Variants in SEL1L3 observed in about 807,000 individuals in gnomAD.
The protein encoded by SEL1L3 is SEL1L family member 3.
SEL1L3 carries 76 observed loss-of-function variants against 142.8 expected under a neutral mutation model. The ratio of observed to expected loss-of-function variants is 0.53; its 90% CI spans 0.44 to 0.64. The LOEUF (loss-of-function observed/expected upper bound fraction) is 0.64, where lower values mean the gene tolerates loss of function less well. Ranked by LOEUF, SEL1L3 falls within the 30% of genes least tolerant of loss-of-function variation. The pLI, the probability that SEL1L3 is intolerant of heterozygous loss-of-function variation, is 0.00. For missense variants in SEL1L3, 1,262 were observed against 1,381.7 expected (o/e 0.91, Z 1.37); for synonymous variants, 504 against 519.6 (o/e 0.97, Z 0.41).
At chr4:25,863,492 CT>C (rs1360790823), upstream of SEL1L3, 4 of 702,722 alleles carry the variant, frequency 5.7e-6, no homozygotes, top group Admixed American at 6.0e-5. Context: ...TGTCTGGTTG[CT>C]TTTTTGGCCG....
At chr4:25,798,231 T>C (rs921919421) in intron 11 of SEL1L3, among the ~76,000 whole-genome samples, 52 of 152,226 alleles carry the variant, frequency 3.4e-4, no homozygotes, top group Non-Finnish European at 2.4e-4. Flanking sequence ...TATTTTGTTG[T>C]TGTTGTTGTT....
chr4:25,807,840 C>A (rs1713704017), intron 9 of SEL1L3, among the ~76,000 whole-genome samples: 1 of 151,630 alleles, frequency 6.6e-6, no homozygotes, highest in South Asian at 2.1e-4. Flanking sequence ...ATCTTTAGCA[C>A]AAAAAAAACT....
the SEL1L3 span, among the ~76,000 whole-genome samples, chr4:25,724,773 G>GAAAAAAAAAAAAAAAAA: frequency 7.6e-5 from 2 of 26,474 alleles, no homozygotes; most frequent in African/African-American, 1.5e-4. Context: ...AAAAAAAAAG[G>GAAAAAAAAAAAAAAAAA]AAAAGAAATT....
At chr4:25,821,457 C>T (rs1463280754) in intron 7 of SEL1L3, among the ~76,000 whole-genome samples, 1 of 152,200 alleles carries the variant, frequency 6.6e-6, no homozygotes, top group Non-Finnish European at 1.5e-5. Flanking sequence ...TTGGACAGTT[C>T]CATTCGGGGG....
chr4:25,723,674 T>A, the SEL1L3 span, among the ~76,000 whole-genome samples: 1 of 152,122 alleles, frequency 6.6e-6, no homozygotes, highest in Non-Finnish European at 1.5e-5. Flanking sequence ...GAAGAGGGTT[T>A]GTAAATAATC....
rs759353275 is a variant in SEL1L3 at position 25,779,248 on chromosome 4, G to A, written c.2458-45C>T. The stretch of plus-strand genomic sequence containing the variant: ...AACATCGAGTCATCCTAGCTGGGCT[G>A]GTTTCGCCAGAGACAAGGTGATGAG... On this transcript the variant is annotated intron_variant, in intron 15 of 23. Coordinates refer to ENST00000399878, the MANE Select transcript of SEL1L3 (RefSeq NM_015187.5). The A allele has an allele frequency of 2.8e-5, 45 of 1,605,660 alleles. No homozygotes were observed. The East Asian group carries it at 9.4e-4, about 34-fold the overall frequency.
At position 25,818,224 on chromosome 4, in the gene SEL1L3, A is replaced by G. The variant is rs1304359439; in HGVS notation, c.1478T>C (p.Met493Thr). 1.2e-6 allele frequency: 2 copies of G among 1,604,016 alleles called. No individual in the cohort carries two copies. The highest frequency in any genetic ancestry group is 8.5e-7 in the Non-Finnish European group (1 of 1,175,308). The change falls in exon 9 of 24, where the codon ATG (methionine) becomes ACG (threonine). Residue 493 changes from methionine to threonine, a missense_variant. Physicochemically the swap from Met to Thr is moderately conservative, Grantham distance 81. Coordinates refer to ENST00000399878, the MANE Select transcript of SEL1L3 (RefSeq NM_015187.5). The stretch of plus-strand genomic sequence containing the variant: ...CTTCTCCCAGGGGAAGGCTCTGCAC[A>G]TCGAGGGTCTCCCATACCTGCGCTG... ...DLQRRYGRPSMCRAFPWEKEL... is the reference protein window; with the variant it reads ...DLQRRYGRPSTCRAFPWEKEL...
chr4:25,758,533 A>G (rs1418962974), intron 21 of SEL1L3, among the ~76,000 whole-genome samples: 2 of 152,178 alleles, frequency 1.3e-5, no homozygotes, highest in Non-Finnish European at 2.9e-5. Flanking sequence ...ATTCTCGTGG[A>G]AATTTCTGGT....
At chr4:25,723,521 A>G in the SEL1L3 span, among the ~76,000 whole-genome samples, 1 of 152,210 alleles carries the variant, frequency 6.6e-6, no homozygotes, top group Non-Finnish European at 1.5e-5. Context: ...GTATACCTCA[A>G]CTTGCAGTGG....
chr4:25,755,964 C>T (rs1717928074), intron 23 of SEL1L3: 1 of 985,380 alleles, frequency 1.0e-6, no homozygotes, highest in African/African-American at 1.7e-5. Flanking sequence ...GTTTATTAAC[C>T]AGCAGACTAT....
intron 11 of SEL1L3, among the ~76,000 whole-genome samples, chr4:25,798,842 A>G (rs1420790620): frequency 3.3e-5 from 5 of 152,116 alleles, no homozygotes; most frequent in African/African-American, 1.2e-4. Context: ...AAAAGAAAAA[A>G]GAAAGAAAGA....
At chr4:25,777,718 A>G (rs963360219) in intron 16 of SEL1L3, 1 of 417,200 alleles carries the variant, frequency 2.4e-6, no homozygotes, top group South Asian at 1.7e-5. Flanking sequence ...ATGAATATTC[A>G]TGTCAAATAT....
intron 11 of SEL1L3, among the ~76,000 whole-genome samples, chr4:25,792,903 C>T (rs1257917970): frequency 6.6e-6 from 1 of 152,066 alleles, no homozygotes; most frequent in African/African-American, 2.4e-5. Context: ...TTGTTTCCTC[C>T]TTGAATAAAG....
intron 1 of SEL1L3, among the ~76,000 whole-genome samples, chr4:25,852,746 C>A (rs911188165): frequency 1.3e-5 from 2 of 152,178 alleles, no homozygotes; most frequent in African/African-American, 2.4e-5. Flanking sequence ...TCCCAAAGAA[C>A]AACTTAAAAC....
intron 15 of SEL1L3, among the ~76,000 whole-genome samples, chr4:25,780,761 CTATA>C (rs1181747652): frequency 2.1e-5 from 3 of 144,234 alleles, no homozygotes; most frequent in Admixed American, 1.4e-4. Context: ...TATATATAAA[CTATA>C]TATAAATAAA....
intron 16 of SEL1L3, among the ~76,000 whole-genome samples, 169 bp downstream of exon 16, chr4:25,778,907 T>C (rs917524162): frequency 8.5e-5 from 13 of 152,216 alleles, no homozygotes; most frequent in African/African-American, 3.1e-4. Context: ...CAAATTATTT[T>C]TAAATTTTTA....
At chr4:25,826,654 C>T (rs1173607057) in intron 6 of SEL1L3, among the ~76,000 whole-genome samples, 1 of 152,032 alleles carries the variant, frequency 6.6e-6, no homozygotes, top group East Asian at 1.9e-4. Flanking sequence ...CTGAGTACGG[C>T]TAGCTTTTTT....
chr4:25,782,706 G>A (rs986740741), intron 14 of SEL1L3, among the ~76,000 whole-genome samples: 1 of 152,052 alleles, frequency 6.6e-6, no homozygotes, highest in African/African-American at 2.4e-5. Context: ...TACGCAACAC[G>A]CTTGTCTACA....
At chr4:25,843,105 T>C (rs1333234297) in intron 2 of SEL1L3, among the ~76,000 whole-genome samples, 1 of 152,078 alleles carries the variant, frequency 6.6e-6, no homozygotes, top group East Asian at 1.9e-4. Context: ...CCCCTGTGGC[T>C]GGAAGCAGTG....
Sources: allele counts gnomAD v4.1 joint callset (sites outside exome capture counted in the v4.1 genomes callset), GRCh38; gene constraint gnomAD v4.1.1; transcripts MANE v1.5; gene names NCBI Gene and HGNC (gene_info 2026-07-23, HGNC 2026-07-21).